Variants in ATP9B observed in about 807,000 individuals in gnomAD.
ATP9B encodes ATPase phospholipid transporting 9B, also known as probable phospholipid-transporting ATPase IIB.
Under a neutral mutation model 146.1 loss-of-function variants are expected in ATP9B, and 110 were observed. The observed-to-expected ratio is 0.75, with a 90% confidence interval of 0.65 to 0.88. The LOEUF (loss-of-function observed/expected upper bound fraction) is 0.88. Ranked by LOEUF, ATP9B falls within the 40% of genes least tolerant of loss-of-function variation. The probability of loss-of-function intolerance (pLI) is 0.00; values close to 1 mark genes in which losing one functional copy is unlikely to be tolerated. For synonymous variants in ATP9B, 604 were observed against 569.7 expected (o/e 1.06, Z -0.86); for missense variants, 1,499 against 1,496.4 (o/e 1.00, Z -0.03).
intron 2 of ATP9B, among the ~76,000 whole-genome samples, chr18:79,108,464 T>C (rs2075799038): frequency 6.6e-6 from 1 of 152,196 alleles, no homozygotes; most frequent in Non-Finnish European, 1.5e-5. Context: ...TTTATAACTG[T>C]TGTGGACTTG....
chr18:79,278,829 C>G (rs1036390421), intron 13 of ATP9B, among the ~76,000 whole-genome samples: 6 of 151,900 alleles, frequency 3.9e-5, no homozygotes, highest in African/African-American at 1.2e-4. Flanking sequence ...ATGAAGCCTA[C>G]AGAAAAATGT....
chr18:79,185,961 G>C (rs1182406349), intron 8 of ATP9B, among the ~76,000 whole-genome samples: 1 of 152,200 alleles, frequency 6.6e-6, no homozygotes, highest in Non-Finnish European at 1.5e-5. Context: ...TAAAATTTCA[G>C]AGTCATGTAA....
chr18:79,253,315 A>G (rs776555246), intron 11 of ATP9B, 66 bp from the exon 12 acceptor site: 8 of 1,415,734 alleles, frequency 5.7e-6, no homozygotes, highest in Non-Finnish European at 7.6e-6. Flanking sequence ...ACTACCATGC[A>G]TTCTGATTTA....
chr18:79,188,293 T>G (rs919168949), intron 8 of ATP9B, among the ~76,000 whole-genome samples: 1 of 152,188 alleles, frequency 6.6e-6, no homozygotes, highest in African/African-American at 2.4e-5. Context: ...TTGCTGAAAT[T>G]TTAAAAAAGT....
rs564373914 is a variant in ATP9B, at chr18:79,239,287, C to T, written c.1108-14094C>T. ...GCCCCTTCAGCCCTCTTATTTCCAC[C>T]GCTCCACAATTCATGACAAGTGCTG... is the stretch of plus-strand genomic sequence containing the variant. On this transcript the variant is annotated intron_variant, in intron 11 of 29. Coordinates refer to ENST00000426216, the MANE Select transcript of ATP9B (RefSeq NM_198531.5). The surrounding 1 kb of genome is among the most constrained non-coding windows in gnomAD (Gnocchi z 5.1). 5.9e-5 allele frequency among the ~76,000 whole-genome samples: 9 copies of T among 152,314 alleles called. No individual in the cohort carries two copies. The South Asian group carries it at 1.5e-3, about 25-fold the overall frequency.
Position 79,128,258 on chromosome 18 carries a change from C to T in ATP9B, c.667+1883C>T, listed in dbSNP as rs186500437. The stretch of plus-strand genomic sequence containing the variant: ...TATTTTTAGTCGATACGGGGTTTCA[C>T]TATGTTGGCCAGGCTGGTCTTGAAC... On this transcript the variant is annotated intron_variant, in intron 5 of 29. Transcript: ENST00000426216. 3.3e-5 allele frequency among the ~76,000 whole-genome samples: 5 copies of T among 152,134 alleles called. No homozygotes were observed. The East Asian group carries it at 9.7e-4, about 30-fold the overall frequency.
intron 10 of ATP9B, among the ~76,000 whole-genome samples, chr18:79,208,733 T>C (rs559371365): frequency 6.6e-6 from 1 of 152,208 alleles, no homozygotes; most frequent in South Asian, 2.1e-4. Flanking sequence ...TACATACATA[T>C]AAATGTTATG....
chr18:79,326,072 GGTGT>G (rs1568690159), intron 15 of ATP9B, among the ~76,000 whole-genome samples: 1 of 79,310 alleles, frequency 1.3e-5, no homozygotes. Flanking sequence ...ATGGTGTTAG[GGTGT>G]CACCTCTGTA....
chr18:79,342,089 A>C (rs1167895283), intron 19 of ATP9B, among the ~76,000 whole-genome samples, 179 bp from the exon 20 acceptor site: 1 of 152,144 alleles, frequency 6.6e-6, no homozygotes, highest in African/African-American at 2.4e-5. Context: ...CAGAATTTCC[A>C]TCCTTTTTAA....
At chr18:79,184,246 G>T (rs2095282036) in intron 8 of ATP9B, among the ~76,000 whole-genome samples, 1 of 152,182 alleles carries the variant, frequency 6.6e-6, no homozygotes, top group Non-Finnish European at 1.5e-5. Context: ...TATTAAAATA[G>T]TTCCTATAGT....
At chr18:79,279,633 A>G (rs531791471) in intron 13 of ATP9B, among the ~76,000 whole-genome samples, 6 of 152,370 alleles carry the variant, frequency 3.9e-5, no homozygotes, top group Admixed American at 3.9e-4. Context: ...AACACCAGTT[A>G]GAGTAACAAC....
intron 27 of ATP9B, 106 bp downstream of exon 27, chr18:79,372,988 C>A (rs1284838105): frequency 1.3e-6 from 1 of 745,904 alleles, no homozygotes; most frequent in South Asian, 1.8e-5. Flanking sequence ...GCTTAAAATG[C>A]CATCAGCAGT....
intron 11 of ATP9B, among the ~76,000 whole-genome samples, chr18:79,240,490 A>G (rs1166303441): frequency 6.6e-6 from 1 of 152,262 alleles, no homozygotes; most frequent in Non-Finnish European, 1.5e-5. Context: ...TCACGCCTGT[A>G]ATGCCAGCAC....
At chr18:79,278,192 A>G (rs1409619105) in intron 13 of ATP9B, among the ~76,000 whole-genome samples, 1 of 152,224 alleles carries the variant, frequency 6.6e-6, no homozygotes. Flanking sequence ...CTGCGTCCAT[A>G]GAAGACACAG....
At chr18:79,074,154 G>A (rs2072317539) in intron 1 of ATP9B, among the ~76,000 whole-genome samples, 1 of 152,220 alleles carries the variant, frequency 6.6e-6, no homozygotes, top group African/African-American at 2.4e-5. Context: ...TGGTTTATGT[G>A]GTATCACTGG....
At chr18:79,250,051 A>G (rs1278352874) in intron 11 of ATP9B, among the ~76,000 whole-genome samples, 1 of 152,256 alleles carries the variant, frequency 6.6e-6, no homozygotes, top group Non-Finnish European at 1.5e-5. Context: ...CTTGGCTTCA[A>G]AGTGATTACA....
chr18:79,071,092 T>C (rs866280256), intron 1 of ATP9B, among the ~76,000 whole-genome samples: 2 of 145,774 alleles, frequency 1.4e-5, no homozygotes, highest in South Asian at 4.4e-4. Context: ...ACTTGGACAC[T>C]TTTTTGGTAT....
intron 11 of ATP9B, among the ~76,000 whole-genome samples, chr18:79,235,504 T>G (rs1369817632): frequency 6.6e-6 from 1 of 152,246 alleles, no homozygotes; most frequent in Non-Finnish European, 1.5e-5. Context: ...ACAATTATAA[T>G]ACTTGTTTTC....
chr18:79,245,060 C>G, intron 11 of ATP9B, among the ~76,000 whole-genome samples: 1 of 152,136 alleles, frequency 6.6e-6, no homozygotes, highest in East Asian at 1.9e-4. Context: ...ACCCTGAGGT[C>G]CAGTGACCTC....
Sources: gnomAD v4.1 joint callset for allele counts (sites outside exome capture counted in the v4.1 genomes callset) on GRCh38, gnomAD v4.1.1 for gene constraint, Gnocchi (gnomAD v3.1) non-coding constraint, MANE v1.5 for transcripts, NCBI Gene and HGNC (gene_info 2026-07-23, HGNC 2026-07-21) for gene names.